The following GREB1L variants were observed in gnomAD, a reference collection of about 807,000 sequenced individuals.
GREB1L encodes GREB1 like retinoic acid receptor coactivator.
GREB1L carries 17 observed loss-of-function variants against 200.8 expected under a neutral mutation model. That is an observed-to-expected ratio of 0.08 (90% CI 0.06 to 0.13). The LOEUF is 0.13. Among genes scored for constraint, GREB1L ranks in the 10% least tolerant of loss-of-function variants. GREB1L has a pLI of 1.00. For missense variants in GREB1L, 1,657 were observed against 2,367.7 expected, an observed-to-expected ratio of 0.70 and a Z score of 6.23; for synonymous variants, 789 against 893.0, an observed-to-expected ratio of 0.88 and a Z score of 2.08.
At chr18:21,292,252 T>C (rs992438431) in intron 1 of GREB1L, among the ~76,000 whole-genome samples, 1 of 152,196 alleles carries the variant, frequency 6.6e-6, no homozygotes, top group African/African-American at 2.4e-5. Context: ...CTGATCTTCC[T>C]TGATGCACTG....
At chr18:21,243,937 G>GCT (rs2037552471) in intron 1 of GREB1L, among the ~76,000 whole-genome samples, 1 of 152,116 alleles carries the variant, frequency 6.6e-6, no homozygotes, top group Non-Finnish European at 1.5e-5. Context: ...CTCAGAGGCA[G>GCT]CCACTGTTGT....
intron 7 of GREB1L, among the ~76,000 whole-genome samples, chr18:21,414,709 G>A (rs1245432789): frequency 6.6e-6 from 1 of 152,092 alleles, no homozygotes; most frequent in Non-Finnish European, 1.5e-5. Context: ...CAGATTTCAA[G>A]AGCAGAATCG....
At chr18:21,470,437 G>T (rs2035439373) in intron 15 of GREB1L, among the ~76,000 whole-genome samples, 2 of 151,772 alleles carry the variant, frequency 1.3e-5, no homozygotes, top group South Asian at 4.2e-4. Context: ...CTCCATAAAG[G>T]TCTTACATAC....
chr18:21,380,732 A>G (rs889065362), intron 2 of GREB1L: 2 of 152,204 alleles, frequency 1.3e-5, no homozygotes, highest in South Asian at 2.1e-4. Flanking sequence ...AAATACAACA[A>G]TTTTTGTAAA....
intron 7 of GREB1L, among the ~76,000 whole-genome samples, chr18:21,414,853 A>G (rs1383752028): frequency 1.3e-5 from 2 of 152,222 alleles, no homozygotes; most frequent in African/African-American, 4.8e-5. Flanking sequence ...AACTGCAACA[A>G]CAAAATACAG....
chr18:21,321,054 G>A (rs1467727507), intron 1 of GREB1L, among the ~76,000 whole-genome samples: 2 of 152,176 alleles, frequency 1.3e-5, no homozygotes, highest in East Asian at 3.9e-4. Context: ...AGCACTTTGG[G>A]AGGCTGAGGC....
chr18:21,457,600 G>C (rs8086339), intron 15 of GREB1L, among the ~76,000 whole-genome samples: 1 of 152,160 alleles, frequency 6.6e-6, no homozygotes, highest in East Asian at 1.9e-4. Context: ...TGGCATTACA[G>C]TGTGTACCTC....
At chr18:21,509,079 G>A (rs2037136115) in intron 27 of GREB1L, among the ~76,000 whole-genome samples, 1 of 152,206 alleles carries the variant, frequency 6.6e-6, no homozygotes, top group Admixed American at 6.5e-5. Context: ...CTATGACACA[G>A]GAATGTGCCT....
chr18:21,243,800 A>G (rs556086630), intron 1 of GREB1L, among the ~76,000 whole-genome samples: 6 of 152,334 alleles, frequency 3.9e-5, no homozygotes, highest in Admixed American at 1.3e-4. Context: ...GCATATAGGT[A>G]TGTATTTCAA....
intron 1 of GREB1L, among the ~76,000 whole-genome samples, chr18:21,356,429 T>A (rs2039505372): frequency 1.3e-5 from 2 of 152,200 alleles, no homozygotes; most frequent in Non-Finnish European, 2.9e-5. Flanking sequence ...ACAGTATTTG[T>A]CTTTCTGTGC....
At chr18:21,500,869 G>A (rs2036760210) in intron 23 of GREB1L, among the ~76,000 whole-genome samples, 1 of 152,102 alleles carries the variant, frequency 6.6e-6, no homozygotes, top group Admixed American at 6.5e-5. Flanking sequence ...GGGAGTTCAA[G>A]ACCAGCCTGG....
chr18:21,418,147 T>A (rs72881399), intron 7 of GREB1L, among the ~76,000 whole-genome samples: 28,282 of 152,022 alleles, frequency 0.19, 3,263 homozygotes, highest in Middle Eastern at 0.28. Flanking sequence ...ATGACAATAG[T>A]CTAAAGGCCA....
chr18:21,357,292 T>TC (rs2039519183), intron 1 of GREB1L, among the ~76,000 whole-genome samples: 1 of 152,226 alleles, frequency 6.6e-6, no homozygotes, highest in Non-Finnish European at 1.5e-5. Context: ...GACCTCGTGA[T>TC]CCGCCCGCCT....
At chr18:21,316,334 A>G (rs2038868356) in intron 1 of GREB1L, among the ~76,000 whole-genome samples, 1 of 152,150 alleles carries the variant, frequency 6.6e-6, no homozygotes, top group South Asian at 2.1e-4. Context: ...TTTTGTACCA[A>G]TCTTTGTCTA....
At chr18:21,343,621 G>A (rs1346615349) in intron 1 of GREB1L, among the ~76,000 whole-genome samples, 1 of 152,006 alleles carries the variant, frequency 6.6e-6, no homozygotes. Context: ...AGAATTTATC[G>A]AGCTGCCAGT....
chr18:21,473,974 A>G (rs2035585951), intron 16 of GREB1L, among the ~76,000 whole-genome samples: 1 of 152,168 alleles, frequency 6.6e-6, no homozygotes, highest in South Asian at 2.1e-4. Flanking sequence ...TGTCACAAGA[A>G]CAACACGGGA....
At chr18:21,296,918 G>C (rs2038537730) in intron 1 of GREB1L, among the ~76,000 whole-genome samples, 1 of 152,158 alleles carries the variant, frequency 6.6e-6, no homozygotes, top group South Asian at 2.1e-4. Flanking sequence ...GCCTCCCAGA[G>C]TGCTAGGATT....
chr18:21,351,680 A>G (rs1341764364), intron 1 of GREB1L, among the ~76,000 whole-genome samples: 1 of 152,072 alleles, frequency 6.6e-6, no homozygotes, highest in African/African-American at 2.4e-5. Flanking sequence ...ATGATAGGTG[A>G]TAAGTTTCAA....
At chr18:21,454,669 T>C (rs1255476486) in intron 15 of GREB1L, 106 bp downstream of exon 15, 1 of 855,342 alleles carries the variant, frequency 1.2e-6, no homozygotes, top group African/African-American at 1.7e-5. Context: ...TAAAACCTTC[T>C]TCAGTAATAA....
Sources: allele counts gnomAD v4.1 joint callset (sites outside exome capture counted in the v4.1 genomes callset), GRCh38; gene constraint gnomAD v4.1.1; transcripts MANE v1.5; gene names NCBI Gene and HGNC (gene_info 2026-07-23, HGNC 2026-07-21).